Variants in RBFOX3 observed in about 807,000 individuals in gnomAD.
RBFOX3 encodes the protein RNA binding fox-1 homolog 3.
In RBFOX3, 17 loss-of-function variants were observed where a neutral mutation model predicts 48.7. That is an observed-to-expected ratio of 0.35 (90% CI 0.24 to 0.52). The LOEUF (loss-of-function observed/expected upper bound fraction) is 0.52. Ranked by LOEUF, RBFOX3 falls within the 20% of genes least tolerant of loss-of-function variation. The pLI is 0.94. For synonymous variants in RBFOX3, 212 were observed against 209.5 expected (o/e 1.01, Z -0.10); for missense variants, 382 against 497.5 (o/e 0.77, Z 2.21).
At chr17:79,294,505 T>C (rs1306136250) in intron 3 of RBFOX3, among the ~76,000 whole-genome samples, 2 of 151,908 alleles carry the variant, frequency 1.3e-5, no homozygotes, top group African/African-American at 4.8e-5. Context: ...AGAGATAGGG[T>C]TTCACCATTT....
At chr17:79,294,681 G>A (rs763915853) in intron 3 of RBFOX3, among the ~76,000 whole-genome samples, 7 of 152,308 alleles carry the variant, frequency 4.6e-5, no homozygotes, top group Middle Eastern at 6.8e-3. Context: ...AGCGACCTGC[G>A]GGTGGGAGAC....
In RBFOX3 at chr17:79,477,061, C is replaced by T. The variant is rs1047368795; in HGVS notation, c.-175+5393G>A. Among the ~76,000 whole-genome samples the T allele has an allele frequency of 0.016, 2,440 of 151,230 alleles. 70 individuals are homozygous for T. Among genetic ancestry groups the T allele is most frequent in the African/African-American group, 0.056 (2,307 of 41,138 alleles). On this transcript the variant is annotated intron_variant, in intron 2 of 14. Coordinates refer to ENST00000693108, the MANE Select transcript of RBFOX3 (RefSeq NM_001350451.2). The surrounding 1 kb of genome is among the most constrained non-coding windows in gnomAD (Gnocchi z 4.8). ...CAGCCTGGCCAACAGGGTGAAACCC[C>T]GTCTCTACTAAAAATACAAAAATTA...
At chr17:79,170,056 G>A (rs376839642) in intron 4 of RBFOX3, among the ~76,000 whole-genome samples, 7 of 140,410 alleles carry the variant, frequency 5.0e-5, no homozygotes, top group East Asian at 4.0e-4. Context: ...AGAGGGAAGG[G>A]AAGGAGGAAG....
chr17:79,118,080 G>A (rs1429646597), intron 4 of RBFOX3, among the ~76,000 whole-genome samples: 1 of 151,920 alleles, frequency 6.6e-6, no homozygotes, highest in Admixed American at 6.5e-5. Flanking sequence ...ACCCAGCCGT[G>A]CCCTGCTCCC....
intron 2 of RBFOX3, among the ~76,000 whole-genome samples, chr17:79,449,893 A>G (rs901519535): frequency 6.6e-6 from 1 of 152,198 alleles, no homozygotes; most frequent in Admixed American, 6.5e-5. Context: ...CAGGGTCAGC[A>G]TATTTCCATC....
At chr17:79,233,131 T>C (rs1456313333) in intron 4 of RBFOX3, among the ~76,000 whole-genome samples, 5 of 152,346 alleles carry the variant, frequency 3.3e-5, no homozygotes, top group South Asian at 4.1e-4. Flanking sequence ...AGTCAGCGCT[T>C]TGTAGCTCAA....
intron 1 of RBFOX3, among the ~76,000 whole-genome samples, chr17:79,490,805 A>T (rs973954870): frequency 6.6e-6 from 1 of 151,192 alleles, no homozygotes; most frequent in South Asian, 2.1e-4. Context: ...CAAGCTCTAG[A>T]AGGTTGGGGC....
At position 79,584,873 on chromosome 17, in the gene RBFOX3, C is replaced by A. The variant is rs914792210; in HGVS notation, c.-320+25953G>T. Among the ~76,000 whole-genome samples the A allele has an allele frequency of 1.4e-3, 211 of 152,202 alleles. 1 individual carries two copies. The highest frequency in any genetic ancestry group is 3.0e-3 in the Admixed American group (46 of 15,294). On this transcript the variant is annotated intron_variant, in intron 1 of 14. Coordinates refer to ENST00000693108, the MANE Select transcript of RBFOX3 (RefSeq NM_001350451.2). ...CTCCACCTCCCGGGTTCACGCCATT[C>A]TCCTGCCTCAGCCTCCCAAGTAGCT...
chr17:79,593,738 G>A lies in RBFOX3; in HGVS notation c.-320+17088C>T, dbSNP rs1432850523. On this transcript the variant is annotated intron_variant, in intron 1 of 14. Transcript: ENST00000693108. ...AAAACGACAAGAGGAGTCGGGGAGC[G>A]ACGGAACCCGATGGGCACACTGGGC... Among the ~76,000 whole-genome samples, 7 of 152,182 alleles carry A rather than the reference G, an allele frequency of 4.6e-5. No individual in the cohort carries two copies. In the South Asian group the frequency reaches 1.0e-3, roughly 23 times the overall value.
At chr17:79,616,958 C>A in the RBFOX3 span, among the ~76,000 whole-genome samples, 1 of 152,140 alleles carries the variant, frequency 6.6e-6, no homozygotes. Context: ...TGTGCTCTGT[C>A]CCATAGCTGG....
chr17:79,123,494 GA>G (rs2036318505), intron 4 of RBFOX3, among the ~76,000 whole-genome samples: 1 of 151,752 alleles, frequency 6.6e-6, no homozygotes, highest in African/African-American at 2.4e-5. Flanking sequence ...CTAGTCAGGA[GA>G]ACAAGGACTT....
At chr17:79,620,255 GCA>G in the RBFOX3 span, among the ~76,000 whole-genome samples, 13 of 131,110 alleles carry the variant, frequency 9.9e-5, no homozygotes, top group Admixed American at 5.3e-4. Context: ...ATACGCACAT[GCA>G]CACACACGTG....
chr17:79,418,209 A>G lies in RBFOX3; in HGVS notation c.-175+64245T>C, dbSNP rs782112483. On this transcript the variant is annotated intron_variant, in intron 2 of 14. Coordinates refer to ENST00000693108, the MANE Select transcript of RBFOX3 (RefSeq NM_001350451.2). The surrounding 1 kb of genome is among the most constrained non-coding windows in gnomAD (Gnocchi z 5.0). ...CACTTAAAAATGGTTAAGATGGTAC[A>G]TTTTATGTTATGCATATTTTACCAC... is the stretch of plus-strand genomic sequence containing the variant. Among the ~76,000 whole-genome samples the G allele has an allele frequency of 6.6e-6, 1 of 152,228 alleles. No individual in the cohort carries two copies. Among genetic ancestry groups the G allele is most frequent in the Non-Finnish European group, 1.5e-5 (1 of 68,034 alleles).
chr17:79,197,513 C>T (rs577715679), intron 4 of RBFOX3, among the ~76,000 whole-genome samples: 1,703 of 151,502 alleles, frequency 0.011, 37 homozygotes, highest in African/African-American at 0.039. Flanking sequence ...CTCAGCCTCC[C>T]GAGTAGCTGG....
intron 2 of RBFOX3, among the ~76,000 whole-genome samples, chr17:79,413,300 A>G (rs2064776348): frequency 6.6e-6 from 1 of 152,222 alleles, no homozygotes; most frequent in Admixed American, 6.5e-5. Flanking sequence ...TCCGTGACTT[A>G]GACTCCAAAT....
At chr17:79,483,376 C>G (rs1425252946) in intron 1 of RBFOX3, among the ~76,000 whole-genome samples, 1 of 151,648 alleles carries the variant, frequency 6.6e-6, no homozygotes, top group Non-Finnish European at 1.5e-5. Flanking sequence ...TCCCCGACCC[C>G]ACCCCTGCAC....
Position 79,443,391 on chromosome 17 carries a change from T to C in RBFOX3, c.-175+39063A>G, listed in dbSNP as rs2149047402. On this transcript the variant is annotated intron_variant, in intron 2 of 14. Coordinates refer to ENST00000693108, the MANE Select transcript of RBFOX3 (RefSeq NM_001350451.2). The surrounding 1 kb of genome is among the most constrained non-coding windows in gnomAD (Gnocchi z 4.4). ...ACTCACATACACCCTTGCCTCTTTT[T>C]TTTTTCTTTTGAGACAGTCTTGCTC... Among the ~76,000 whole-genome samples, 1 of 152,214 alleles carries C rather than the reference T, an allele frequency of 6.6e-6. No homozygotes were observed. The highest frequency in any genetic ancestry group is 2.1e-4 in the South Asian group (1 of 4,818).
chr17:79,536,003 C>G (rs782174128), intron 1 of RBFOX3, among the ~76,000 whole-genome samples: 1 of 152,190 alleles, frequency 6.6e-6, no homozygotes, highest in Non-Finnish European at 1.5e-5. Context: ...TCTGTCCTCC[C>G]TCTCCCCACT....
chr17:79,101,121 A>G (rs540340839), intron 9 of RBFOX3, among the ~76,000 whole-genome samples: 1 of 152,174 alleles, frequency 6.6e-6, no homozygotes, highest in South Asian at 2.1e-4. Flanking sequence ...AAGAGACTGG[A>G]ACTCAGAGAG....
Sources: gnomAD v4.1 joint callset for allele counts (sites outside exome capture counted in the v4.1 genomes callset) on GRCh38, gnomAD v4.1.1 for gene constraint, Gnocchi (gnomAD v3.1) non-coding constraint, MANE v1.5 for transcripts, NCBI Gene and HGNC (gene_info 2026-07-23, HGNC 2026-07-21) for gene names.